The following ADGRB1 variants were observed in gnomAD, a reference collection of about 807,000 sequenced individuals.
ADGRB1 encodes adhesion G protein-coupled receptor B1, also known as brain-specific angiogenesis inhibitor 1.
In ADGRB1, 36 loss-of-function variants were observed where a neutral mutation model predicts 175.7. The ratio of observed to expected loss-of-function variants is 0.20; its 90% CI spans 0.16 to 0.27. ADGRB1 has a LOEUF of 0.27. ADGRB1 is among the 10% of genes least tolerant of loss of function. ADGRB1 has a pLI of 1.00. For missense variants in ADGRB1, 1,731 were observed against 2,255.3 expected (o/e 0.77, Z 4.71); for synonymous variants, 1,054 against 979.4 (o/e 1.08, Z -1.42).
In ADGRB1 at chr8:142,539,422, C is replaced by G. The variant is rs1419089820; in HGVS notation, c.3706+9C>G. On this transcript the variant is annotated intron_variant, in intron 27 of 30. Transcript: ENST00000517894. The stretch of plus-strand genomic sequence containing the variant: ...TCTGGCCTGTAGATCAGGTGAGCGC[C>G]CGACAGGTGAGAGGACAGTGCCAGC... 1.2e-6 allele frequency: 2 copies of G among 1,600,892 alleles called. No homozygotes were observed. Among genetic ancestry groups the G allele is most frequent in the East Asian group, 4.5e-5 (2 of 44,104 alleles).
Position 142,542,291 on chromosome 8 carries a change from G to A in ADGRB1, c.4057G>A (p.Ala1353Thr). The change falls in exon 28 of 31, where the codon GCC becomes ACC. Residue 1353 changes from alanine to threonine, a missense_variant. Around this residue, in one of 8 missense-constraint regions of ADGRB1, gnomAD observed 394 missense variants for 410.2 expected, o/e 0.96. Coordinates refer to ENST00000517894, the MANE Select transcript of ADGRB1 (RefSeq NM_001702.3). The surrounding 1 kb of genome is among the most constrained non-coding windows in gnomAD (Gnocchi z 6.3). ...TSYVILPTAT[A>T]TLRPKPKEEP... ...CTACGTGATCCTGCCCACGGCCACG[G>A]CCACGCTGCGGCCCAAGCCCAAGGA... 1 of 1,613,292 alleles carries A rather than the reference G, an allele frequency of 6.2e-7. No individual in the cohort carries two copies. Among genetic ancestry groups the A allele is most frequent in the Non-Finnish European group, 8.5e-7 (1 of 1,179,798 alleles).
rs1563698276 is a variant in ADGRB1 at position 142,482,262 on chromosome 8, T to TTGATCCTGATCACACACTGAGCCC, written c.2130+560_2130+583dup. Reference sequence around the variant, plus strand: ...GCCCTGACCCTGGTCACACTGAGCCTTGATCCTGATCACACACTGAGCCCT... The same window carrying TTGATCCTGATCACACACTGAGCCC: ...GCCCTGACCCTGGTCACACTGAGCCTTGATCCTGATCACACACTGAGCCCTGATCCTGATCACACACTGAGCCCT... On this transcript the variant is annotated intron_variant, in intron 11 of 30. Transcript: ENST00000517894. Among the ~76,000 whole-genome samples, 5 of 59,492 alleles carry TTGATCCTGATCACACACTGAGCCC rather than the reference T, an allele frequency of 8.4e-5. No homozygotes were observed. In the Admixed American group the frequency reaches 9.3e-4, roughly 11 times the overall value. The allele number at this position is 59,492 out of a possible 152,430, so 39.0% of individuals were successfully genotyped here.
intron 16 of ADGRB1, among the ~76,000 whole-genome samples, chr8:142,489,691 C>T (rs1841892718): frequency 6.6e-6 from 1 of 152,230 alleles, no homozygotes; most frequent in African/African-American, 2.4e-5. Context: ...AACCACTCTG[C>T]CCTCCAGCCC....
At chr8:142,513,690 G>T (rs1457637783) in intron 18 of ADGRB1, among the ~76,000 whole-genome samples, 1 of 152,208 alleles carries the variant, frequency 6.6e-6, no homozygotes, top group East Asian at 1.9e-4. Flanking sequence ...CCCCTCCTGA[G>T]TGTGGTGTGG....
intron 18 of ADGRB1, among the ~76,000 whole-genome samples, chr8:142,514,186 C>T (rs1365364186): frequency 2.0e-5 from 3 of 152,096 alleles, no homozygotes; most frequent in Middle Eastern, 3.4e-3. Context: ...TTCAGAGTGG[C>T]CTACAGGGGC....
chr8:142,488,564 G>A (rs1490840105), intron 14 of ADGRB1, 57 bp downstream of exon 14: 42 of 1,594,116 alleles, frequency 2.6e-5, no homozygotes, highest in Admixed American at 1.5e-4. Flanking sequence ...CCCCAGAGTC[G>A]GACGGTCACC....
intron 17 of ADGRB1, among the ~76,000 whole-genome samples, chr8:142,497,065 T>C (rs1225817267): frequency 2.6e-5 from 4 of 152,246 alleles, no homozygotes; most frequent in Non-Finnish European, 5.9e-5. Flanking sequence ...CCATGAGAGC[T>C]GCCTCACTCA....
chr8:142,475,568 C>A lies in ADGRB1; in HGVS notation c.879C>A (p.Gly293=), dbSNP rs776282217. Residue 293 remains glycine, a synonymous_variant, in exon 3 of 31, where the codon GGC becomes GGA. Coordinates refer to ENST00000517894, the MANE Select transcript of ADGRB1 (RefSeq NM_001702.3). The part of the protein sequence containing the change: ...TRTRTCLPAP[G]VEGGGCEGVL... ...CGCGCACCTGCCTGCCCGCGCCGGG[C>A]GTGGAGGGCGGCGGCTGCGAGGGGG... 1.6e-6 allele frequency: 2 copies of A among 1,269,838 alleles called. No individual in the cohort carries two copies. Among genetic ancestry groups the A allele is most frequent in the Non-Finnish European group, 2.0e-6 (2 of 1,008,352 alleles). 78.7% of individuals were successfully genotyped at this position (1,269,838 alleles called of 1,614,324 possible). A position where few individuals can be genotyped will look rare whatever the true frequency, so the allele number is the denominator to read the frequency against.
intron 2 of ADGRB1, among the ~76,000 whole-genome samples, chr8:142,473,763 A>C (rs1347129964): frequency 6.6e-6 from 1 of 152,094 alleles, no homozygotes; most frequent in Non-Finnish European, 1.5e-5. Context: ...GACTCCTCCC[A>C]CCCTATGGAC....
intron 17 of ADGRB1, among the ~76,000 whole-genome samples, chr8:142,505,246 GA>G (rs967192459): frequency 7.6e-4 from 116 of 152,338 alleles, no homozygotes; most frequent in African/African-American, 2.7e-3. Flanking sequence ...CTGGCTGCTG[GA>G]CCCCCTGCCG....
chr8:142,484,045 G>A lies in ADGRB1; in HGVS notation c.2199G>A (p.Leu733=). 1 of 1,612,094 alleles carries A rather than the reference G, an allele frequency of 6.2e-7. No homozygotes were observed. The highest frequency in any genetic ancestry group is 8.5e-7 in the Non-Finnish European group (1 of 1,179,144). The change falls in exon 12 of 31, where the codon CTG becomes CTA. Residue 733 remains leucine (L), a splice_region_variant and synonymous_variant. Transcript: ENST00000517894. ...GGGACAAGTGGGAGGAGGCCCAGCTGGTAGGGCCTGGGGCCCCTACGGTCA... is the reference window on the plus strand; with the variant it reads ...GGGACAAGTGGGAGGAGGCCCAGCTAGTAGGGCCTGGGGCCCCTACGGTCA... ...ENRDKWEEAQ[L]AGPNAKELFR...
intron 24 of ADGRB1, among the ~76,000 whole-genome samples, chr8:142,529,698 A>T (rs926188975): frequency 2.7e-5 from 3 of 111,162 alleles, no homozygotes; most frequent in Non-Finnish European, 5.3e-5. Flanking sequence ...GCATCGGTGT[A>T]CCTGTGAGCG....
chr8:142,543,814 C>G lies in ADGRB1; in HGVS notation c.4557+106C>G. The G allele has an allele frequency of 3.6e-6, 4 of 1,119,770 alleles. No individual in the cohort carries two copies. In the South Asian group the frequency reaches 4.2e-5, roughly 12 times the overall value. 69.4% of individuals were successfully genotyped at this position (1,119,770 alleles called of 1,614,324 possible). A position where few individuals can be genotyped will look rare whatever the true frequency, so the allele number is the denominator to read the frequency against. The stretch of plus-strand genomic sequence containing the variant: ...TTCATCCATCCATCCATCCATCCAT[C>G]CATTCGTTCATTCATTCATTCATTC... On this transcript the variant is annotated intron_variant, in intron 30 of 30. Transcript: ENST00000517894. This position sits in a 1 kb window ranked among gnomAD's most constrained non-coding sequence, Gnocchi z 4.4.
chr8:142,482,655 C>G, intron 11 of ADGRB1, among the ~76,000 whole-genome samples: 1 of 151,650 alleles, frequency 6.6e-6, no homozygotes, highest in Non-Finnish European at 1.5e-5. Flanking sequence ...TGGTCACACG[C>G]TGAGCCTCGA....
chr8:142,533,426 G>C lies in ADGRB1; in HGVS notation c.3530G>C (p.Gly1177Ala), dbSNP rs1380347897. Reference sequence around the variant, plus strand: ...TTCGCTGTCTTCGACTCGCTGGAGGGCTTCGTCATCGTCATGGTGCACTGT... The same window carrying C: ...TTCGCTGTCTTCGACTCGCTGGAGGCCTTCGTCATCGTCATGGTGCACTGT... ...ILFAVFDSLE[G>A]FVIVMVHCIL... is the part of the protein sequence containing the mutation. The change falls in exon 25 of 31, where the codon GGC (glycine) becomes GCC (alanine). Residue 1177 changes from glycine to alanine, a missense_variant. Gly to Ala is a moderately conservative substitution (Grantham distance 60). Transcript: ENST00000517894. 2.5e-6 allele frequency: 4 copies of C among 1,612,212 alleles called. No individual in the cohort carries two copies. The highest frequency in any genetic ancestry group is 3.4e-6 in the Non-Finnish European group (4 of 1,179,180).
intron 21 of ADGRB1, 60 bp downstream of exon 21, chr8:142,522,175 C>A (rs1455871082): frequency 7.5e-5 from 118 of 1,571,378 alleles, no homozygotes; most frequent in Admixed American, 1.5e-4. Flanking sequence ...ACTGCTTGTT[C>A]TGTCCTGGCA....
intron 1 of ADGRB1, among the ~76,000 whole-genome samples, chr8:142,454,956 C>T (rs1189451986): frequency 6.6e-6 from 1 of 151,948 alleles, no homozygotes; most frequent in African/African-American, 2.4e-5. Context: ...CGGTGGAGAC[C>T]TCTGCCCCTC....
chr8:142,461,760 G>A (rs1208310380), intron 1 of ADGRB1, among the ~76,000 whole-genome samples: 2 of 152,188 alleles, frequency 1.3e-5, no homozygotes, highest in Non-Finnish European at 2.9e-5. Context: ...ACACCAACTC[G>A]GGGTCAGGGC....
chr8:142,501,712 A>G (rs1343113000), intron 17 of ADGRB1, among the ~76,000 whole-genome samples: 1 of 71,582 alleles, frequency 1.4e-5, no homozygotes, highest in Non-Finnish European at 2.8e-5. Context: ...GGTGGTGGTG[A>G]TGGTGAGGGT....
Sources: allele counts gnomAD v4.1 joint callset (sites outside exome capture counted in the v4.1 genomes callset), GRCh38; gene constraint gnomAD v4.1.1; regional missense constraint gnomAD v4.1.1; non-coding constraint Gnocchi (gnomAD v3.1); transcripts MANE v1.5; gene names NCBI Gene and HGNC (gene_info 2026-07-23, HGNC 2026-07-21).